Variants in SYNE2 observed in about 807,000 individuals in gnomAD.
SYNE2 encodes spectrin repeat containing nuclear envelope protein 2.
A neutral mutation model predicts 856.3 loss-of-function variants in SYNE2; 431 were observed. The ratio of observed to expected loss-of-function variants is 0.50; its 90% CI spans 0.47 to 0.55. The LOEUF (loss-of-function observed/expected upper bound fraction) is 0.55. Among genes scored for constraint, SYNE2 ranks in the 20% least tolerant of loss-of-function variants. SYNE2 has a pLI of 0.00. For synonymous variants in SYNE2, 2,923 were observed against 2,872.3 expected (o/e 1.02, Z -0.56); for missense variants, 8,129 against 8,023.2 (o/e 1.01, Z -0.50).
chr14:64,221,909 T>TG (rs1418625727), intron 112 of SYNE2, among the ~76,000 whole-genome samples: 1 of 152,080 alleles, frequency 6.6e-6, no homozygotes, highest in Non-Finnish European at 1.5e-5. Flanking sequence ...CTTGCAGGAA[T>TG]GGAGAGCCAC....
In SYNE2 at chr14:64,051,280, G is replaced by A. The variant is rs546721054; in HGVS notation, c.7644-277G>A. Among the ~76,000 whole-genome samples, 6 of 149,918 alleles carry A rather than the reference G, an allele frequency of 4.0e-5. No homozygotes were observed. In the East Asian group the frequency reaches 9.7e-4, roughly 24 times the overall value. On this transcript the variant is annotated intron_variant, in intron 47 of 115. Transcript: ENST00000555002. Reference sequence around the variant, plus strand: ...TCCCTTCACTTCATTTTTTTCCTGTGGTTATTCATTTTTGGGATACTCATT... The same window carrying A: ...TCCCTTCACTTCATTTTTTTCCTGTAGTTATTCATTTTTGGGATACTCATT...
intron 1 of SYNE2, among the ~76,000 whole-genome samples, chr14:63,825,118 G>A (rs1271066572): frequency 1.3e-5 from 2 of 152,052 alleles, no homozygotes; most frequent in African/African-American, 2.4e-5. Context: ...GTTAGGGACA[G>A]ACAAAAACTT....
chr14:63,879,312 A>G (rs1454913609), intron 1 of SYNE2, among the ~76,000 whole-genome samples: 5 of 152,192 alleles, frequency 3.3e-5, no homozygotes, highest in Admixed American at 6.5e-5. Flanking sequence ...AGAAGACTTG[A>G]CCCTCTGAAA....
intron 1 of SYNE2, among the ~76,000 whole-genome samples, chr14:63,860,852 T>A (rs1195665438): frequency 6.6e-6 from 1 of 152,290 alleles, no homozygotes; most frequent in African/African-American, 2.4e-5. Flanking sequence ...CAGAGGAACA[T>A]GCAATCAGTG....
chr14:64,175,743 T>C (rs941666832), intron 95 of SYNE2, among the ~76,000 whole-genome samples: 2 of 152,196 alleles, frequency 1.3e-5, no homozygotes, highest in African/African-American at 4.8e-5. Flanking sequence ...CAAGCTCACT[T>C]ACTTCTTATA....
At chr14:64,134,897 G>A (rs1264037320) in intron 78 of SYNE2, among the ~76,000 whole-genome samples, 1 of 152,160 alleles carries the variant, frequency 6.6e-6, no homozygotes, top group African/African-American at 2.4e-5. Context: ...TGAGGCAGGA[G>A]AATTGCTTAA....
chr14:64,212,600 A>G (rs775173868), intron 104 of SYNE2, among the ~76,000 whole-genome samples: 1 of 152,246 alleles, frequency 6.6e-6, no homozygotes, highest in African/African-American at 2.4e-5. Flanking sequence ...TTAATTGGAA[A>G]AGCCAGTGCC....
At chr14:64,116,544 A>G (rs1182810661) in intron 66 of SYNE2, among the ~76,000 whole-genome samples, 1 of 152,170 alleles carries the variant, frequency 6.6e-6, no homozygotes, top group Non-Finnish European at 1.5e-5. Context: ...CAGCCTCCCA[A>G]GTAGCTGGGA....
At chr14:64,069,472 A>C (rs984046041) in intron 51 of SYNE2, among the ~76,000 whole-genome samples, 3 of 152,128 alleles carry the variant, frequency 2.0e-5, no homozygotes, top group African/African-American at 7.2e-5. Flanking sequence ...TGGGTACCCA[A>C]CTGGGTCATA....
chr14:63,968,256 A>G (rs2096423590), intron 11 of SYNE2, among the ~76,000 whole-genome samples: 1 of 152,214 alleles, frequency 6.6e-6, no homozygotes, highest in African/African-American at 2.4e-5. Flanking sequence ...AAGACAGTGT[A>G]GATGCTTCAT....
At chr14:63,941,631 A>C (rs2095917681) in intron 3 of SYNE2, 64 bp from the exon 4 acceptor site, 3 of 1,373,178 alleles carry the variant, frequency 2.2e-6, no homozygotes, top group Middle Eastern at 1.8e-4. Context: ...CATTTATGAG[A>C]TTCTTAAAGG....
chr14:63,791,092 G>T (rs1887715507), intron 1 of SYNE2, among the ~76,000 whole-genome samples: 1 of 151,918 alleles, frequency 6.6e-6, no homozygotes, highest in East Asian at 1.9e-4. Flanking sequence ...CAAGTAAGTG[G>T]GATTACAAAT....
intron 62 of SYNE2, 114 bp downstream of exon 62, chr14:64,098,260 T>A: frequency 8.6e-7 from 1 of 1,159,352 alleles, no homozygotes. Context: ...AGTAAAGGAA[T>A]TTTTTAAAGT....
chr14:64,105,479 T>C (rs1447879053), intron 64 of SYNE2, among the ~76,000 whole-genome samples: 1 of 152,232 alleles, frequency 6.6e-6, no homozygotes, highest in Non-Finnish European at 1.5e-5. Context: ...TATATGTCAC[T>C]TAATTGCAAG....
chr14:64,102,176 G>T (rs570610362), intron 64 of SYNE2, 134 bp downstream of exon 64: 1 of 675,108 alleles, frequency 1.5e-6, no homozygotes, highest in East Asian at 2.8e-5. Context: ...GAGTGCAGTC[G>T]TATGATCTCA....
chr14:64,159,955 G>A (rs903363487), intron 87 of SYNE2, among the ~76,000 whole-genome samples: 2 of 152,182 alleles, frequency 1.3e-5, no homozygotes, highest in African/African-American at 4.8e-5. Context: ...TAATTGCAGG[G>A]CTTTTATTTT....
At chr14:63,970,651 CTTTTTTTTT>C (rs61126600) in intron 11 of SYNE2, among the ~76,000 whole-genome samples, 24 of 98,892 alleles carry the variant, frequency 2.4e-4, no homozygotes, top group Admixed American at 1.5e-3. Flanking sequence ...TTTCTTTTTT[CTTTTTTTTT>C]TTTTTTTTTT....
At chr14:63,818,043 A>AT (rs1889070213) in intron 1 of SYNE2, among the ~76,000 whole-genome samples, 1 of 149,188 alleles carries the variant, frequency 6.7e-6, no homozygotes, top group Non-Finnish European at 1.5e-5. Flanking sequence ...AAAAAAAAAA[A>AT]AAACAAATAA....
chr14:64,011,801 A>G (rs1288856791), intron 32 of SYNE2, among the ~76,000 whole-genome samples: 1 of 152,202 alleles, frequency 6.6e-6, no homozygotes, highest in Non-Finnish European at 1.5e-5. Flanking sequence ...TACTTTCTAG[A>G]TAAGTTACTT....
Sources: gnomAD v4.1 joint callset for allele counts (sites outside exome capture counted in the v4.1 genomes callset) on GRCh38, gnomAD v4.1.1 for gene constraint, MANE v1.5 for transcripts, NCBI Gene and HGNC (gene_info 2026-07-23, HGNC 2026-07-21) for gene names.